Variants in GLB1L2 observed in about 807,000 individuals in gnomAD.
GLB1L2 encodes the protein galactosidase beta 1 like 2, also known as beta-galactosidase-1-like protein 2.
GLB1L2 carries 68 observed loss-of-function variants against 84.1 expected under a neutral mutation model. The ratio of observed to expected loss-of-function variants is 0.81; its 90% confidence interval spans 0.67 to 0.99. The LOEUF is 0.99. Among genes scored for constraint, GLB1L2 ranks in the 50% least tolerant of loss-of-function variants. GLB1L2 has a pLI of 0.00. For missense variants in GLB1L2, 762 were observed against 805.6 expected, an observed-to-expected ratio of 0.95 and a Z score of 0.66; for synonymous variants, 290 against 318.0, an observed-to-expected ratio of 0.91 and a Z score of 0.94.
In GLB1L2 at chr11:134,350,070, C is replaced by T. The variant is rs555050026; in HGVS notation, c.558+2637C>T. ...GAGCCACTTTCGTTGCTGTGAGCTG[C>T]GCTACCTGGGCTTGGGGGAGGGATG... On this transcript the variant is annotated intron_variant, in intron 5 of 18. Coordinates refer to ENST00000535456, the MANE Select transcript of GLB1L2 (RefSeq NM_001370461.1). 2.0e-5 allele frequency among the ~76,000 whole-genome samples: 3 copies of T among 152,210 alleles called. No homozygotes were observed. The South Asian group carries it at 6.2e-4, about 31-fold the overall frequency.
At chr11:134,354,864 T>G (rs1943681160) in intron 5 of GLB1L2, among the ~76,000 whole-genome samples, 2 of 152,200 alleles carry the variant, frequency 1.3e-5, no homozygotes, top group Non-Finnish European at 1.5e-5. Context: ...CTCCTTAGAT[T>G]TATATAATCT....
chr11:134,364,631 G>A (rs960048832), intron 8 of GLB1L2: 4 of 517,914 alleles, frequency 7.7e-6, no homozygotes, highest in African/African-American at 7.7e-5. Flanking sequence ...CCCTGAGAGA[G>A]GGGCCCTTTT....
intron 13 of GLB1L2, 107 bp downstream of exon 13, chr11:134,371,255 C>G (rs1943948511): frequency 7.1e-7 from 1 of 1,410,988 alleles, no homozygotes; most frequent in Non-Finnish European, 1.0e-6. Flanking sequence ...GTGACAATGG[C>G]CCTTCTGAGT....
At chr11:134,352,651 T>C (rs1189914623) in intron 5 of GLB1L2, among the ~76,000 whole-genome samples, 1 of 139,842 alleles carries the variant, frequency 7.2e-6, no homozygotes. Flanking sequence ...TATGTCTTCT[T>C]TTTTTTTTTT....
At chr11:134,352,115 G>C (rs1943642767) in intron 5 of GLB1L2, among the ~76,000 whole-genome samples, 1 of 152,076 alleles carries the variant, frequency 6.6e-6, no homozygotes, top group African/African-American at 2.4e-5. Flanking sequence ...CTGATTCAGT[G>C]TCCTTACTAG....
chr11:134,375,410 G>T lies in GLB1L2; in HGVS notation c.*352G>T, dbSNP rs890493547. ...TGCACTGGACGTCACAGCCCTGCGA[G>T]CATCTGCTGGACTCAGGCGTGCTCT... On this transcript the variant is annotated 3_prime_UTR_variant, in exon 19 of 19. Coordinates refer to ENST00000535456, the MANE Select transcript of GLB1L2 (RefSeq NM_001370461.1). The T allele has an allele frequency of 7.7e-5, 18 of 233,832 alleles. No individual in the cohort carries two copies. Among genetic ancestry groups the T allele is most frequent in the African/African-American group, 4.1e-4 (18 of 43,644 alleles). 14.5% of individuals were successfully genotyped at this position (233,832 alleles called of 1,614,324 possible).
At chr11:134,371,340 G>T in intron 13 of GLB1L2, 81 bp from the exon 14 acceptor site, 1 of 1,170,806 alleles carries the variant, frequency 8.5e-7, no homozygotes, top group Non-Finnish European at 1.3e-6. Context: ...AGGCACGCGT[G>T]CTGCCCTTCT....
At chr11:134,353,644 C>G (rs1943665362) in intron 5 of GLB1L2, among the ~76,000 whole-genome samples, 1 of 152,124 alleles carries the variant, frequency 6.6e-6, no homozygotes, top group Admixed American at 6.5e-5. Flanking sequence ...TATTGAGTCT[C>G]CTACTATTAT....
chr11:134,347,394 T>C lies in GLB1L2; in HGVS notation c.519T>C (p.Leu173=), dbSNP rs1162416276. The C allele has an allele frequency of 4.3e-6, 7 of 1,614,104 alleles. No individual in the cohort carries two copies. The highest frequency in any genetic ancestry group is 5.9e-6 in the Non-Finnish European group (7 of 1,179,974). Residue 173 remains leucine (L), a synonymous_variant, in exon 5 of 19, where the codon CTT becomes CTC. Coordinates refer to ENST00000535456, the MANE Select transcript of GLB1L2 (RefSeq NM_001370461.1). ...AGGGCTTCACCGAAGCAGTGGACCT[T>C]TATTTTGACCACCTGATGTCCAGGG... ...TYKGFTEAVD[L]YFDHLMSRVV...
intron 2 of GLB1L2, 134 bp downstream of exon 2, chr11:134,343,085 C>T (rs1408009446): frequency 3.5e-6 from 3 of 857,418 alleles, no homozygotes; most frequent in Non-Finnish European, 5.3e-6. Flanking sequence ...CCTCCTCCTC[C>T]CCACCACAGA....
intron 1 of GLB1L2, among the ~76,000 whole-genome samples, chr11:134,341,152 C>G (rs569362041): frequency 5.9e-5 from 9 of 152,312 alleles, no homozygotes; most frequent in African/African-American, 1.7e-4. Flanking sequence ...CTAAAGCTTT[C>G]TCTTTGGAGA....
At chr11:134,355,938 C>T (rs932994300) in intron 5 of GLB1L2, 6 of 460,770 alleles carry the variant, frequency 1.3e-5, no homozygotes, top group Admixed American at 1.2e-4. Flanking sequence ...AGTTGGGACG[C>T]ATCCTCCTGA....
chr11:134,347,951 A>T (rs1416246740), intron 5 of GLB1L2, among the ~76,000 whole-genome samples: 1 of 152,252 alleles, frequency 6.6e-6, no homozygotes, highest in Non-Finnish European at 1.5e-5. Context: ...AAGGTGCTGC[A>T]TGGTACACAC....
intron 5 of GLB1L2, among the ~76,000 whole-genome samples, chr11:134,349,505 T>A (rs1262626469): frequency 6.6e-6 from 1 of 152,238 alleles, no homozygotes; most frequent in African/African-American, 2.4e-5. Flanking sequence ...CAGTTTTTTT[T>A]AGGAATTGCC....
intron 1 of GLB1L2, among the ~76,000 whole-genome samples, chr11:134,337,339 G>C (rs1235738651): frequency 6.6e-6 from 1 of 152,236 alleles, no homozygotes; most frequent in Non-Finnish European, 1.5e-5. Flanking sequence ...CAGCAAACAG[G>C]AGTCCAACAC....
rs4936230 is a variant in GLB1L2 at position 134,365,326 on chromosome 11, C to T, written c.804+928C>T. ...CCCGCTCCCAGGCAGGCTCCTGTGA[C>T]GCAGATCAGGCGCGATCCAGCTGGG... On this transcript the variant is annotated intron_variant, in intron 8 of 18. Coordinates refer to ENST00000535456, the MANE Select transcript of GLB1L2 (RefSeq NM_001370461.1). Among the ~76,000 whole-genome samples, 366 of 152,186 alleles carry T rather than the reference C, an allele frequency of 2.4e-3. 2 individuals carry two copies. Among genetic ancestry groups the T allele is most frequent in the African/African-American group, 8.1e-3 (336 of 41,530 alleles).
chr11:134,351,434 C>T (rs1376366171), intron 5 of GLB1L2, among the ~76,000 whole-genome samples: 1 of 151,440 alleles, frequency 6.6e-6, no homozygotes, highest in Non-Finnish European at 1.5e-5. Flanking sequence ...CAACCTCCTC[C>T]TCCCAGGTTC....
chr11:134,367,553 A>G (rs1186727760), intron 9 of GLB1L2, among the ~76,000 whole-genome samples: 2 of 152,178 alleles, frequency 1.3e-5, no homozygotes, highest in Non-Finnish European at 2.9e-5. Flanking sequence ...TGTTTTTGTA[A>G]TTAGAAGGGT....
intron 4 of GLB1L2, among the ~76,000 whole-genome samples, chr11:134,345,564 G>A (rs1047406075): frequency 6.6e-6 from 1 of 152,142 alleles, no homozygotes; most frequent in African/African-American, 2.4e-5. Context: ...TCCGCCTCCC[G>A]GGTTCAAGCG....
Sources: gnomAD v4.1 joint callset for allele counts (sites outside exome capture counted in the v4.1 genomes callset) on GRCh38, gnomAD v4.1.1 for gene constraint, MANE v1.5 for transcripts, NCBI Gene and HGNC (gene_info 2026-07-23, HGNC 2026-07-21) for gene names.